HSD17B14: variants seen among roughly 807,000 people sequenced by gnomAD.
HSD17B14 encodes L-fucose dehydrogenase.
Under a neutral mutation model 32.2 loss-of-function variants are expected in HSD17B14, and 32 were observed. The ratio of observed to expected loss-of-function variants is 0.99; its 90% CI spans 0.75 to 1.33. The LOEUF is 1.33. HSD17B14 is among the 40% of genes most tolerant of loss of function. HSD17B14 has a pLI of 0.00. For synonymous variants in HSD17B14, 140 were observed against 155.4 expected, an observed-to-expected ratio of 0.90 and a Z score of 0.74; for missense variants, 370 against 366.5, an observed-to-expected ratio of 1.01 and a Z score of -0.08.
chr19:48,820,150 C>T (rs1305176640), intron 5 of HSD17B14, among the ~76,000 whole-genome samples: 2 of 151,912 alleles, frequency 1.3e-5, no homozygotes, highest in African/African-American at 4.8e-5. Flanking sequence ...CAGCAAGACC[C>T]GATCTCTAAC....
intron 4 of HSD17B14, 24 bp downstream of exon 4, chr19:48,832,642 T>C (rs1599843584): frequency 1.2e-6 from 2 of 1,607,378 alleles, no homozygotes; most frequent in East Asian, 2.2e-5. Flanking sequence ...AGGTGGAGAA[T>C]GGCCCTGGGG....
At chr19:48,818,711 C>T (rs2035097836) in intron 5 of HSD17B14, among the ~76,000 whole-genome samples, 2 of 152,186 alleles carry the variant, frequency 1.3e-5, no homozygotes, top group South Asian at 2.1e-4. Flanking sequence ...ATCAAGGACC[C>T]GCTGGGGGCC....
At chr19:48,834,187 GT>G in intron 3 of HSD17B14, 88 bp downstream of exon 3, 2 of 1,066,828 alleles carry the variant, frequency 1.9e-6, no homozygotes, top group Non-Finnish European at 2.9e-6. Context: ...GGAAGGAAAA[GT>G]AGAGGGAAAG....
chr19:48,835,968 A>C, intron 1 of HSD17B14, 125 bp from the exon 2 acceptor site: 1 of 825,996 alleles, frequency 1.2e-6, no homozygotes, highest in South Asian at 1.6e-5. Flanking sequence ...ATGATCACCC[A>C]TAGGACAGAG....
chr19:48,813,624 TC>T (rs749741184), intron 7 of HSD17B14, 38 bp downstream of exon 7: 14 of 1,612,954 alleles, frequency 8.7e-6, no homozygotes, highest in African/African-American at 1.3e-5. Context: ...GTCACCCCAG[TC>T]CCCCCAGGAG....
At chr19:48,830,207 C>T (rs867161532) in intron 5 of HSD17B14, among the ~76,000 whole-genome samples, 10 of 152,202 alleles carry the variant, frequency 6.6e-5, no homozygotes, top group African/African-American at 1.9e-4. Flanking sequence ...CTTGTGCAAG[C>T]TGACTCCCAG....
At chr19:48,822,614 TGTG>T (rs1357412380) in intron 5 of HSD17B14, among the ~76,000 whole-genome samples, 1 of 139,634 alleles carries the variant, frequency 7.2e-6, no homozygotes, top group Non-Finnish European at 1.6e-5. Context: ...TGGTGATGAT[TGTG>T]GTAATGATGA....
At chr19:48,813,629 C>A (rs756337553) in intron 7 of HSD17B14, 34 bp downstream of exon 7, 3 of 1,613,828 alleles carry the variant, frequency 1.9e-6, no homozygotes, top group Admixed American at 1.7e-5. Context: ...CCCAGTCCCC[C>A]CAGGAGGCTC....
rs947898884 is a variant in HSD17B14, at chr19:48,836,320, T to G, written c.88+4A>C. The G allele has an allele frequency of 7.4e-6, 12 of 1,611,378 alleles. No homozygotes were observed. The highest frequency in any genetic ancestry group is 8.5e-6 in the Non-Finnish European group (10 of 1,179,322). Reference sequence around the variant, plus strand: ...ACAGCTCCCAGCAGTCAGACCCGGCTCACCGAAGGCGCGCACGATCCCAGC... The same window carrying G: ...ACAGCTCCCAGCAGTCAGACCCGGCGCACCGAAGGCGCGCACGATCCCAGC... On this transcript the variant is annotated splice_donor_region_variant and intron_variant, in intron 1 of 8. Transcript: ENST00000263278.
chr19:48,813,475 C>CGG lies in HSD17B14; in HGVS notation c.618_619dup (p.Arg207ProfsTer40). 1 of 1,613,170 alleles carries CGG rather than the reference C, an allele frequency of 6.2e-7. No individual in the cohort carries two copies. Among genetic ancestry groups the CGG allele is most frequent in the Non-Finnish European group, 8.5e-7 (1 of 1,179,634 alleles). ...TTCTACCTGGGCCAGCATGCCCTCTCGGATTGTGGCCCTAGGGTCTGGCAT... is the reference window on the plus strand; with the variant it reads ...TTCTACCTGGGCCAGCATGCCCTCTCGGGGATTGTGGCCCTAGGGTCTGGCAT... On this transcript the variant is annotated frameshift_variant, in exon 8 of 9. Coordinates refer to ENST00000263278, the MANE Select transcript of HSD17B14 (RefSeq NM_016246.3). LOFTEE classifies it low-confidence loss of function (END_TRUNC).
chr19:48,817,412 C>A (rs1482762794), intron 5 of HSD17B14, among the ~76,000 whole-genome samples: 1 of 152,012 alleles, frequency 6.6e-6, no homozygotes. Context: ...CTCCTGAGGT[C>A]AAGTAATCTG....
intron 5 of HSD17B14, among the ~76,000 whole-genome samples, chr19:48,826,542 T>TATATATATATACACACACACACACAC: frequency 3.1e-4 from 25 of 80,104 alleles, no homozygotes; most frequent in African/African-American, 1.3e-3. Flanking sequence ...TATATATATA[T>TATATATATATACACACACACACACAC]ACACACACAC....
chr19:48,836,318 G>C lies in HSD17B14; in HGVS notation c.88+6C>G, dbSNP rs769310990. 1.9e-6 allele frequency: 3 copies of C among 1,613,018 alleles called. No individual in the cohort carries two copies. Among genetic ancestry groups the C allele is most frequent in the Non-Finnish European group, 2.5e-6 (3 of 1,179,676 alleles). ...CCACAGCTCCCAGCAGTCAGACCCG[G>C]CTCACCGAAGGCGCGCACGATCCCA... On this transcript the variant is annotated splice_donor_region_variant and intron_variant, in intron 1 of 8. Coordinates refer to ENST00000263278, the MANE Select transcript of HSD17B14 (RefSeq NM_016246.3).
chr19:48,817,653 T>C (rs530372599), intron 5 of HSD17B14, among the ~76,000 whole-genome samples: 4 of 152,276 alleles, frequency 2.6e-5, no homozygotes, highest in African/African-American at 9.6e-5. Flanking sequence ...TGAGGGATGG[T>C]CAAGATTTCT....
chr19:48,826,528 A>AATATATATATATATATAT lies in HSD17B14; in HGVS notation c.369+5139_369+5140insATATATATATATATATAT, dbSNP rs1555776984. Among the ~76,000 whole-genome samples the AATATATATATATATATAT allele has an allele frequency of 8.4e-3, 193 of 23,042 alleles. 2 individuals carry two copies. The highest frequency in any genetic ancestry group is 0.016 in the East Asian group (6 of 370). The allele number at this position is 23,042 out of a possible 152,430, so 15.1% of individuals were successfully genotyped here. ...AAAAAAAAGTAAAAGAAAAGAAGAA[A>AATATATATATATATATAT]ATATATATATATATACACACACACA... On this transcript the variant is annotated intron_variant, in intron 5 of 8. Transcript: ENST00000263278.
intron 5 of HSD17B14, among the ~76,000 whole-genome samples, chr19:48,829,123 T>C (rs2035295654): frequency 6.6e-6 from 1 of 152,112 alleles, no homozygotes; most frequent in Admixed American, 6.6e-5. Context: ...CTGATCCTGA[T>C]CATCTAAAGG....
chr19:48,822,070 G>C (rs921791168), intron 5 of HSD17B14, among the ~76,000 whole-genome samples: 1 of 135,552 alleles, frequency 7.4e-6, no homozygotes, highest in African/African-American at 2.8e-5. Context: ...GATGATTGTG[G>C]TAACAATGGT....
intron 3 of HSD17B14, among the ~76,000 whole-genome samples, chr19:48,832,945 GGGAT>G (rs2035370977): frequency 6.6e-6 from 1 of 151,714 alleles, no homozygotes; most frequent in African/African-American, 2.4e-5. Flanking sequence ...AGTAGAGACA[GGGAT>G]TCACTAGGTT....
chr19:48,834,456 G>GGAGGAGGGGCTGGGA (rs1357491931), intron 2 of HSD17B14, 98 bp from the exon 3 acceptor site: 1 of 604,072 alleles, frequency 1.7e-6, no homozygotes, highest in South Asian at 2.1e-5. Flanking sequence ...GGTGCTGGGG[G>GGAGGAGGGGCTGGGA]CCTGGACTCC....
Sources: allele counts gnomAD v4.1 joint callset (sites outside exome capture counted in the v4.1 genomes callset), GRCh38; gene constraint gnomAD v4.1.1; transcripts MANE v1.5; gene names NCBI Gene and HGNC (gene_info 2026-07-23, HGNC 2026-07-21).